Variants in ASCC3 observed in about 807,000 individuals in gnomAD.
ASCC3 encodes ASC-1 complex subunit P200.
In ASCC3, 158 loss-of-function variants were observed where a neutral mutation model predicts 256.3. That is an observed-to-expected ratio of 0.62 (90% confidence interval 0.54 to 0.70). The LOEUF (loss-of-function observed/expected upper bound fraction) is 0.70, where lower values mean the gene tolerates loss of function less well. Ranked by LOEUF, ASCC3 falls within the 30% of genes least tolerant of loss-of-function variation. The probability of loss-of-function intolerance (pLI) is 0.00; values close to 1 mark genes in which losing one functional copy is unlikely to be tolerated. For synonymous variants in ASCC3, 948 were observed against 883.4 expected (o/e 1.07, Z -1.30); for missense variants, 2,259 against 2,626.0 (o/e 0.86, Z 3.05).
intron 10 of ASCC3, among the ~76,000 whole-genome samples, chr6:100,762,829 T>C (rs1781476744): frequency 6.6e-6 from 1 of 152,168 alleles, no homozygotes; most frequent in Admixed American, 6.5e-5. Flanking sequence ...TGAAAGTTTA[T>C]GAGCAAGAGA....
chr6:100,805,540 T>TTTAAA (rs1770134642), intron 5 of ASCC3, among the ~76,000 whole-genome samples: 1 of 152,096 alleles, frequency 6.6e-6, no homozygotes, highest in East Asian at 1.9e-4. Context: ...TCTAAGTAGT[T>TTTAAA]TTAACTTTTA....
At chr6:100,714,589 A>G (rs1779001542) in intron 13 of ASCC3, among the ~76,000 whole-genome samples, 1 of 152,164 alleles carries the variant, frequency 6.6e-6, no homozygotes, top group African/African-American at 2.4e-5. Flanking sequence ...GTCAGTAAGT[A>G]TAAGATAATC....
At chr6:100,543,781 T>C (rs902790571) in intron 36 of ASCC3, among the ~76,000 whole-genome samples, 1 of 152,080 alleles carries the variant, frequency 6.6e-6, no homozygotes, top group Non-Finnish European at 1.5e-5. Flanking sequence ...TCAATACCTA[T>C]CTTTTAATAA....
chr6:100,756,927 C>T (rs528413933), intron 10 of ASCC3, among the ~76,000 whole-genome samples: 148 of 151,998 alleles, frequency 9.7e-4, no homozygotes, highest in African/African-American at 3.2e-3. Context: ...AGACCTATGA[C>T]GAAATACATT....
chr6:100,741,803 C>T (rs1780449226), intron 10 of ASCC3, among the ~76,000 whole-genome samples: 1 of 152,126 alleles, frequency 6.6e-6, no homozygotes, highest in South Asian at 2.1e-4. Flanking sequence ...TGATTCTTAG[C>T]TTCTTTGTAC....
intron 5 of ASCC3, 67 bp from the exon 6 acceptor site, chr6:100,800,571 C>T: frequency 8.2e-7 from 1 of 1,224,892 alleles, no homozygotes; most frequent in South Asian, 1.3e-5. Flanking sequence ...TCATGAAAAC[C>T]ATTTCTTTCC....
intron 4 of ASCC3, among the ~76,000 whole-genome samples, chr6:100,823,124 G>T (rs1771134388): frequency 1.3e-5 from 2 of 152,146 alleles, no homozygotes; most frequent in African/African-American, 2.4e-5. Flanking sequence ...TCAGAATTCT[G>T]AGATCAGCTG....
chr6:100,799,293 G>A (rs1769792338), intron 7 of ASCC3, 138 bp downstream of exon 7: 2 of 925,274 alleles, frequency 2.2e-6, no homozygotes, highest in African/African-American at 3.3e-5. Context: ...ACCACATTAT[G>A]TCATTTTCCC....
intron 36 of ASCC3, among the ~76,000 whole-genome samples, chr6:100,551,293 G>A (rs1411965642): frequency 6.6e-6 from 1 of 151,892 alleles, no homozygotes; most frequent in African/African-American, 2.4e-5. Flanking sequence ...TAGCGGGGGA[G>A]CCAGACCTTA....
At chr6:100,767,759 C>A (rs985266559) in intron 8 of ASCC3, among the ~76,000 whole-genome samples, 37 of 149,388 alleles carry the variant, frequency 2.5e-4, no homozygotes, top group Non-Finnish European at 5.9e-5. Context: ...CAGGCTCCCG[C>A]CACCATGCCC....
chr6:100,743,385 G>C (rs952945158), intron 10 of ASCC3, among the ~76,000 whole-genome samples: 1 of 152,058 alleles, frequency 6.6e-6, no homozygotes, highest in African/African-American at 2.4e-5. Flanking sequence ...GGCCATCTTC[G>C]ATTTCGGCCA....
intron 34 of ASCC3, among the ~76,000 whole-genome samples, chr6:100,595,777 C>T (rs1031555847): frequency 2.0e-5 from 3 of 152,144 alleles, no homozygotes; most frequent in Non-Finnish European, 4.4e-5. Context: ...AGGATCATAA[C>T]AGTACTAAAT....
At chr6:100,616,978 C>T (rs1387013866) in intron 30 of ASCC3, among the ~76,000 whole-genome samples, 1 of 151,874 alleles carries the variant, frequency 6.6e-6, no homozygotes, top group Non-Finnish European at 1.5e-5. Context: ...GTATTCTGAA[C>T]TTTTTGTTGT....
rs970372974 is a variant in ASCC3, at chr6:100,868,177, G to A, written c.-41-139C>T. 5 of 606,242 alleles carry A rather than the reference G, an allele frequency of 8.2e-6. No individual in the cohort carries two copies. The Admixed American group carries it at 1.2e-4, about 14-fold the overall frequency. 37.6% of individuals were successfully genotyped at this position (606,242 alleles called of 1,614,324 possible). Reference sequence around the variant, plus strand: ...GTTATCAACGTTGAAAAATTCTCCTGACATATTTTCTATCCATGAAGTTTT... The same window carrying A: ...GTTATCAACGTTGAAAAATTCTCCTAACATATTTTCTATCCATGAAGTTTT... On this transcript the variant is annotated intron_variant, in intron 1 of 41. Coordinates refer to ENST00000369162, the MANE Select transcript of ASCC3 (RefSeq NM_006828.4).
intron 3 of ASCC3, chr6:100,858,810 A>T: frequency 1.5e-6 from 1 of 659,878 alleles, no homozygotes; most frequent in Non-Finnish European, 2.1e-6. Context: ...ATATTACCTA[A>T]TGATGTCCAG....
In ASCC3 at chr6:100,721,782, T is replaced by C. The variant is rs181199399; in HGVS notation, c.1903-3531A>G. On this transcript the variant is annotated intron_variant, in intron 11 of 41. Transcript: ENST00000369162. ...AATCACTTTTTAATTAGGTCCTACT[T>C]GTCAAATTTTTTGTTGTTGTTGTTG... Among the ~76,000 whole-genome samples the C allele has an allele frequency of 8.9e-4, 110 of 123,284 alleles. No homozygotes were observed. In the Middle Eastern group the frequency reaches 0.02, roughly 22 times the overall value. The allele number at this position is 123,284 out of a possible 152,430, so 80.9% of individuals were successfully genotyped here.
At chr6:100,854,616 T>C (rs1772848865) in intron 3 of ASCC3, among the ~76,000 whole-genome samples, 2 of 152,204 alleles carry the variant, frequency 1.3e-5, no homozygotes, top group Non-Finnish European at 2.9e-5. Context: ...CATTTAATTT[T>C]ATGTACATTC....
intron 8 of ASCC3, among the ~76,000 whole-genome samples, chr6:100,778,216 T>C (rs1315602556): frequency 6.6e-6 from 1 of 152,120 alleles, no homozygotes; most frequent in Non-Finnish European, 1.5e-5. Context: ...AAACACTCCA[T>C]TTGAAGTACC....
intron 25 of ASCC3, among the ~76,000 whole-genome samples, chr6:100,633,784 G>A (rs1774681834): frequency 6.6e-6 from 1 of 151,486 alleles, no homozygotes; most frequent in Non-Finnish European, 1.5e-5. Flanking sequence ...TGAGGCAGAA[G>A]AATCGCTTGA....
Sources: allele counts gnomAD v4.1 joint callset (sites outside exome capture counted in the v4.1 genomes callset), GRCh38; gene constraint gnomAD v4.1.1; transcripts MANE v1.5; gene names NCBI Gene and HGNC (gene_info 2026-07-23, HGNC 2026-07-21).